The following RANBP2 variants were observed in gnomAD, a reference collection of about 807,000 sequenced individuals.
RANBP2 encodes the protein RAN binding protein 2.
In RANBP2, 57 loss-of-function variants were observed where a neutral mutation model predicts 303.6. That is an observed-to-expected ratio of 0.19 (90% CI 0.15 to 0.23). The LOEUF is 0.23. Among genes scored for constraint, RANBP2 ranks in the 10% least tolerant of loss-of-function variants. The pLI, the probability that RANBP2 is intolerant of heterozygous loss-of-function variation, is 1.00. For missense variants in RANBP2, 3,138 were observed against 3,780.8 expected (o/e 0.83, Z 4.46); for synonymous variants, 1,167 against 1,301.5 (o/e 0.90, Z 2.23).
At chr2:108,937,187 T>C in the RANBP2 span, among the ~76,000 whole-genome samples, 2 of 152,254 alleles carry the variant, frequency 1.3e-5, no homozygotes, top group Non-Finnish European at 2.9e-5. Flanking sequence ...TGGGGGTTTA[T>C]AAGCAGCCAC....
chr2:108,944,333 T>C, the RANBP2 span, among the ~76,000 whole-genome samples: 1 of 152,174 alleles, frequency 6.6e-6, no homozygotes, highest in East Asian at 1.9e-4. Context: ...GGGCTGGTCC[T>C]GAACTCCTGA....
At chr2:108,732,816 CG>C (rs764311933) in intron 4 of RANBP2, among the ~76,000 whole-genome samples, 55 of 152,200 alleles carry the variant, frequency 3.6e-4, no homozygotes, top group Non-Finnish European at 5.1e-4. Context: ...AAGTATGTGA[CG>C]TTTTTTTCTT....
At chr2:109,584,153 A>G in the RANBP2 span, among the ~76,000 whole-genome samples, 2 of 152,332 alleles carry the variant, frequency 1.3e-5, no homozygotes, top group Non-Finnish European at 2.9e-5. Context: ...AATTGAAATT[A>G]TTTTTTAAAA....
the RANBP2 span, chr2:109,129,514 C>T: frequency 6.7e-7 from 1 of 1,495,718 alleles, no homozygotes; most frequent in Non-Finnish European, 8.9e-7. Context: ...TAGGCAGCCG[C>T]GCGAGACCGC....
At chr2:109,013,296 G>A in the RANBP2 span, among the ~76,000 whole-genome samples, 1 of 152,208 alleles carries the variant, frequency 6.6e-6, no homozygotes, top group African/African-American at 2.4e-5. Flanking sequence ...ATCAGTTACT[G>A]CCTCACCAAA....
At chr2:109,153,395 A>G in the RANBP2 span, among the ~76,000 whole-genome samples, 1 of 152,188 alleles carries the variant, frequency 6.6e-6, no homozygotes, top group African/African-American at 2.4e-5. Flanking sequence ...TGGAAAGGCA[A>G]TTACGCTGAT....
chr2:109,613,252 C>G, the RANBP2 span: 3 of 1,129,136 alleles, frequency 2.7e-6, no homozygotes, highest in African/African-American at 4.8e-5. Flanking sequence ...AAACAGTGAA[C>G]AAACGCGTTC....
the RANBP2 span, among the ~76,000 whole-genome samples, chr2:109,403,584 G>A: frequency 1.3e-5 from 2 of 152,206 alleles, no homozygotes; most frequent in Non-Finnish European, 2.9e-5. Context: ...AAGGAGACAC[G>A]CAGGAGAATG....
chr2:109,131,313 G>C, the RANBP2 span, among the ~76,000 whole-genome samples: 2 of 152,212 alleles, frequency 1.3e-5, no homozygotes, highest in East Asian at 3.9e-4. Flanking sequence ...GGGTCACTTG[G>C]GGGGCACTGC....
At chr2:108,897,237 C>G in the RANBP2 span, 2 of 1,611,536 alleles carry the variant, frequency 1.2e-6, no homozygotes, top group Non-Finnish European at 1.7e-6. Flanking sequence ...GACCTACAGA[C>G]ACCAATGGCC....
chr2:109,132,847 G>C, the RANBP2 span, among the ~76,000 whole-genome samples: 1 of 152,060 alleles, frequency 6.6e-6, no homozygotes, highest in Non-Finnish European at 1.5e-5. Flanking sequence ...CAGTGCAGTG[G>C]GAGTCTTGCT....
the RANBP2 span, among the ~76,000 whole-genome samples, chr2:109,622,368 T>C: frequency 6.6e-6 from 1 of 152,204 alleles, no homozygotes; most frequent in East Asian, 1.9e-4. Context: ...CTGAAGTTTA[T>C]GGGGCTAGCA....
At chr2:109,430,662 T>A in the RANBP2 span, among the ~76,000 whole-genome samples, 1 of 152,228 alleles carries the variant, frequency 6.6e-6, no homozygotes, top group African/African-American at 2.4e-5. Flanking sequence ...ACTTTTCCCT[T>A]AGTGGTATTT....
the RANBP2 span, chr2:109,419,515 C>T: frequency 6.4e-7 from 1 of 1,570,426 alleles, no homozygotes; most frequent in Non-Finnish European, 8.6e-7. Context: ...CTCCTCACTC[C>T]TGTCCCCTCT....
chr2:108,852,716 A>T, the RANBP2 span, among the ~76,000 whole-genome samples: 2 of 152,182 alleles, frequency 1.3e-5, no homozygotes, highest in Non-Finnish European at 2.9e-5. Flanking sequence ...ACACATGGAT[A>T]CATAAGGGGA....
rs573836017 is a variant in RANBP2 at position 108,768,889 on chromosome 2, C to T, written c.7849+501C>T. ...TTCTACTGAAAATACAAAAATGAGCCGGGCGTCGTGGTGCGTGCCTATAAT... is the reference window on the plus strand; with the variant it reads ...TTCTACTGAAAATACAAAAATGAGCTGGGCGTCGTGGTGCGTGCCTATAAT... On this transcript the variant is annotated intron_variant, in intron 20 of 28. Transcript: ENST00000283195. 5.3e-5 allele frequency among the ~76,000 whole-genome samples: 8 copies of T among 152,032 alleles called. No individual in the cohort carries two copies. In the South Asian group the frequency reaches 6.2e-4, roughly 12 times the overall value.
At chr2:109,073,255 A>G in the RANBP2 span, among the ~76,000 whole-genome samples, 1 of 152,196 alleles carries the variant, frequency 6.6e-6, no homozygotes, top group Non-Finnish European at 1.5e-5. Context: ...GAAGAATATA[A>G]TAAAAGAACA....
intron 1 of RANBP2, among the ~76,000 whole-genome samples, chr2:108,720,603 T>C (rs1573668056): frequency 6.6e-6 from 1 of 152,196 alleles, no homozygotes; most frequent in East Asian, 1.9e-4. Flanking sequence ...GTTTATAAGC[T>C]GGGTATTTGG....
chr2:108,942,237 G>A, the RANBP2 span, among the ~76,000 whole-genome samples: 13 of 152,246 alleles, frequency 8.5e-5, no homozygotes, highest in East Asian at 1.9e-4. Context: ...AGTCAATGGC[G>A]GCTCAGAGAG....
Sources: allele counts gnomAD v4.1 joint callset (sites outside exome capture counted in the v4.1 genomes callset), GRCh38; gene constraint gnomAD v4.1.1; transcripts MANE v1.5; gene names NCBI Gene and HGNC (gene_info 2026-07-23, HGNC 2026-07-21).